Variants in ADGRG5 observed in about 807,000 individuals in gnomAD.
ADGRG5 encodes adhesion G protein-coupled receptor G5.
ADGRG5 carries 37 observed loss-of-function variants against 53.2 expected under a neutral mutation model. The ratio of observed to expected loss-of-function variants is 0.70; its 90% CI spans 0.53 to 0.91. The LOEUF is 0.91. ADGRG5 is among the 40% of genes least tolerant of loss of function. The probability of loss-of-function intolerance (pLI) is 0.00; values close to 1 mark genes in which losing one functional copy is unlikely to be tolerated. For missense variants in ADGRG5, 614 were observed against 675.8 expected (o/e 0.91, Z 1.01); for synonymous variants, 277 against 290.4 (o/e 0.95, Z 0.47).
upstream of ADGRG5, among the ~76,000 whole-genome samples, chr16:57,539,183 G>A (rs1170356371): frequency 1.3e-5 from 2 of 152,172 alleles, no homozygotes; most frequent in African/African-American, 4.8e-5. Flanking sequence ...CAACACGGAG[G>A]AACCTTGAAG....
chr16:57,548,660 T>C (rs2032676002), intron 1 of ADGRG5, among the ~76,000 whole-genome samples: 1 of 152,044 alleles, frequency 6.6e-6, no homozygotes, highest in South Asian at 2.1e-4. Flanking sequence ...TTTATCATTT[T>C]GTCATTTCAA....
Position 57,574,873 on chromosome 16 carries a change from A to G in ADGRG5, c.1267A>G (p.Thr423Ala), listed in dbSNP as rs1365075158. The G allele has an allele frequency of 6.2e-7, 1 of 1,611,426 alleles. No individual in the cohort carries two copies. The highest frequency in any genetic ancestry group is 2.2e-5 in the East Asian group (1 of 44,826). ...CCTGGTCATGGGCTACGGCGGCCTC[A>G]CGTCCCTCTTCAACCTGGTGGTGCT... ...SVLVMGYGGL[T>A]SLFNLVVLAW... is the part of the protein sequence containing the mutation. The change falls in exon 11 of 12, where the codon ACG becomes GCG. Residue 423 changes from threonine to alanine, a missense_variant. Physicochemically the swap from Thr to Ala is moderately conservative, Grantham distance 58 (BLOSUM62 0). Transcript: ENST00000349457. The surrounding 1 kb of genome is among the most constrained non-coding windows in gnomAD (Gnocchi z 4.4).
chr16:57,571,069 C>T (rs1053523112), intron 10 of ADGRG5, among the ~76,000 whole-genome samples: 38 of 152,022 alleles, frequency 2.5e-4, no homozygotes, highest in African/African-American at 9.2e-4. Flanking sequence ...TTTAATAGCC[C>T]CTCCCTGCAG....
chr16:57,539,454 C>CCTTTTTTT (rs35929048), upstream of ADGRG5, among the ~76,000 whole-genome samples: 1 of 141,506 alleles, frequency 7.1e-6, no homozygotes. Flanking sequence ...CACTGTACCC[C>CCTTTTTTT]TTTTTTTTTT....
chr16:57,564,674 G>T (rs1391774491), intron 5 of ADGRG5, among the ~76,000 whole-genome samples: 2 of 152,194 alleles, frequency 1.3e-5, no homozygotes, highest in Non-Finnish European at 2.9e-5. Flanking sequence ...ATGAGTCAGG[G>T]TGGGGTTGGG....
intron 1 of ADGRG5, among the ~76,000 whole-genome samples, chr16:57,544,960 T>C (rs2032581851): frequency 6.6e-6 from 1 of 152,062 alleles, no homozygotes; most frequent in African/African-American, 2.4e-5. Flanking sequence ...TTTAATTTTG[T>C]AGAGATGGGG....
intron 2 of ADGRG5, 44 bp from the exon 3 acceptor site, chr16:57,562,340 A>G: frequency 1.3e-6 from 2 of 1,532,740 alleles, no homozygotes; most frequent in Non-Finnish European, 1.8e-6. Flanking sequence ...GTGGGGCCAG[A>G]GGGCAGTTGA....
rs778334389 is a variant in ADGRG5, at chr16:57,567,904, C to T, written c.870C>T (p.Ser290=). 18 of 1,613,150 alleles carry T rather than the reference C, an allele frequency of 1.1e-5. No homozygotes were observed. The highest frequency in any genetic ancestry group is 1.6e-4 in the Middle Eastern group (1 of 6,082). ...GCATCCACATGAACCTGCATGCCTCCGTGCTGCTCCTGAACATCGCCTTCC... is the reference window on the plus strand; with the variant it reads ...GCATCCACATGAACCTGCATGCCTCTGTGCTGCTCCTGAACATCGCCTTCC... ...LTRIHMNLHA[S]VLLLNIAFLL... is the part of the protein sequence containing the mutation. The change falls in exon 9 of 12, where the codon TCC becomes TCT. Residue 290 remains serine (S), a synonymous_variant. Transcript: ENST00000349457.
intron 3 of ADGRG5, chr16:57,562,727 A>T (rs974262740): frequency 2.7e-5 from 15 of 552,072 alleles, no homozygotes; most frequent in Non-Finnish European, 4.2e-5. Context: ...AGGGGGTCTA[A>T]GATTCTGGCT....
At chr16:57,539,779 A>G (rs2032463311), upstream of ADGRG5, among the ~76,000 whole-genome samples, 2 of 151,412 alleles carry the variant, frequency 1.3e-5, no homozygotes, top group Admixed American at 6.6e-5. Flanking sequence ...AAAATGCTTA[A>G]AATGGTAGCT....
the ADGRG5 span, chr16:57,529,276 C>T: frequency 7.2e-6 from 8 of 1,117,188 alleles, no homozygotes; most frequent in African/African-American, 8.4e-5. This position sits in a 1 kb window ranked among gnomAD's most constrained non-coding sequence, Gnocchi z 4.1. Flanking sequence ...ATGATGACGC[C>T]GTGCCCCGCT....
intron 1 of ADGRG5, among the ~76,000 whole-genome samples, chr16:57,561,062 A>G (rs1163493498): frequency 6.6e-6 from 1 of 152,216 alleles, no homozygotes; most frequent in Non-Finnish European, 1.5e-5. Flanking sequence ...CACAGGCATG[A>G]GCCGCCATGC....
chr16:57,556,905 C>CT (rs1211346653), intron 1 of ADGRG5, among the ~76,000 whole-genome samples: 5 of 90,200 alleles, frequency 5.5e-5, no homozygotes, highest in East Asian at 4.2e-4. Flanking sequence ...ATTTTGCCTT[C>CT]TTCTTTTTTT....
intron 1 of ADGRG5, among the ~76,000 whole-genome samples, chr16:57,544,357 T>C (rs1336364359): frequency 6.6e-6 from 1 of 152,030 alleles, no homozygotes; most frequent in African/African-American, 2.4e-5. Context: ...TGTGGGGGGA[T>C]GGTGCATGGT....
intron 1 of ADGRG5, among the ~76,000 whole-genome samples, chr16:57,551,602 G>C (rs962189588): frequency 1.3e-5 from 2 of 152,104 alleles, no homozygotes; most frequent in Admixed American, 6.6e-5. Context: ...ACTAATTCTA[G>C]TTCTCTTGCT....
intron 1 of ADGRG5, among the ~76,000 whole-genome samples, chr16:57,546,512 G>T (rs1042495300): frequency 2.0e-5 from 3 of 152,152 alleles, no homozygotes; most frequent in African/African-American, 7.2e-5. Context: ...CTTGTCTATT[G>T]TACATATATA....
intron 7 of ADGRG5, among the ~76,000 whole-genome samples, chr16:57,567,219 G>T (rs2033158546): frequency 6.6e-6 from 1 of 152,180 alleles, no homozygotes; most frequent in Non-Finnish European, 1.5e-5. Context: ...GCACAAAGAG[G>T]GCAAAGTGGT....
Position 57,564,994 on chromosome 16 carries a change from AT to A in ADGRG5, c.430-37del. 3 of 1,261,266 alleles carry A rather than the reference AT, an allele frequency of 2.4e-6. No homozygotes were observed. In the South Asian group the frequency reaches 3.7e-5, roughly 15 times the overall value. The allele number at this position is 1,261,266 out of a possible 1,614,324, so 78.1% of individuals were successfully genotyped here. ...CTCAGACCTTACCCAGGGCCTCCCC[AT>A]TTCCCCTCCACTCAGCCCTTCTCCT... On this transcript the variant is annotated intron_variant, in intron 5 of 11. Transcript: ENST00000349457.
At position 57,574,816 on chromosome 16, in the gene ADGRG5, T is replaced by A; in HGVS notation, c.1210T>A (p.Cys404Ser). 1.3e-6 allele frequency: 2 copies of A among 1,568,536 alleles called. No individual in the cohort carries two copies. Among genetic ancestry groups the A allele is most frequent in the Non-Finnish European group, 1.7e-6 (2 of 1,153,608 alleles). Residue 404 changes from cysteine to serine, a missense_variant and splice_region_variant, in exon 11 of 12, where the codon TGC becomes AGC. Transcript: ENST00000349457. This position sits in a 1 kb window ranked among gnomAD's most constrained non-coding sequence, Gnocchi z 4.4. ...CTGACACGTCACCCTCCCCTGCAGA[T>A]GCTGGGTGCGGAGCCCCGTGGTGCA... The part of the protein sequence containing the change: ...NGTGFQNMSI[C>S]WVRSPVVHSV...
Sources: allele counts gnomAD v4.1 joint callset (sites outside exome capture counted in the v4.1 genomes callset), GRCh38; gene constraint gnomAD v4.1.1; non-coding constraint Gnocchi (gnomAD v3.1); transcripts MANE v1.5; gene names NCBI Gene and HGNC (gene_info 2026-07-23, HGNC 2026-07-21).